NRXN2: variants seen among roughly 807,000 people sequenced by gnomAD.
NRXN2 encodes the protein neurexin 2, also known as neurexin-2-beta.
NRXN2 carries 29 observed loss-of-function variants against 128.8 expected under a neutral mutation model. That is an observed-to-expected ratio of 0.23 (90% CI 0.17 to 0.31). The LOEUF (loss-of-function observed/expected upper bound fraction) is 0.31, where lower values mean the gene tolerates loss of function less well. Ranked by LOEUF, NRXN2 falls within the 10% of genes least tolerant of loss-of-function variation. The probability of loss-of-function intolerance (pLI) is 1.00; values close to 1 mark genes in which losing one functional copy is unlikely to be tolerated. For missense variants in NRXN2, 1,881 were observed against 2,452.6 expected (o/e 0.77, Z 4.92); for synonymous variants, 1,098 against 1,075.2 (o/e 1.02, Z -0.41).
intron 5 of NRXN2, among the ~76,000 whole-genome samples, chr11:64,689,970 GC>G (rs1185288760): frequency 6.6e-6 from 1 of 152,192 alleles, no homozygotes; most frequent in African/African-American, 2.4e-5. Flanking sequence ...AGGAGCTAGA[GC>G]CCCCAAGCAG....
intron 20 of NRXN2, among the ~76,000 whole-genome samples, chr11:64,625,549 G>T (rs2042959322): frequency 6.6e-6 from 1 of 152,144 alleles, no homozygotes; most frequent in Non-Finnish European, 1.5e-5. Context: ...GTTGGGGAAG[G>T]CCCCAGTGGA....
intron 1 of NRXN2, among the ~76,000 whole-genome samples, chr11:64,715,786 C>G (rs968298000): frequency 2.0e-5 from 3 of 152,210 alleles, no homozygotes; most frequent in Non-Finnish European, 4.4e-5. Flanking sequence ...AAGCAACCCC[C>G]ACTCCTTACA....
chr11:64,681,888 G>A (rs2052345634), intron 6 of NRXN2, among the ~76,000 whole-genome samples: 1 of 152,200 alleles, frequency 6.6e-6, no homozygotes, highest in South Asian at 2.1e-4. Flanking sequence ...AGAGGCCTGG[G>A]CAGGAAGGAG....
At position 64,662,848 on chromosome 11, in the gene NRXN2, C is replaced by T. The variant is rs75468716; in HGVS notation, c.1799-1709G>A. On this transcript the variant is annotated intron_variant, in intron 9 of 22. Coordinates refer to ENST00000265459, the MANE Select transcript of NRXN2 (RefSeq NM_015080.4). The stretch of plus-strand genomic sequence containing the variant: ...GAGTTGAGTTCAATCTCTCTCCTCA[C>T]GCAAGACCCCATTGCAGACATCCTA... Among the ~76,000 whole-genome samples, 1,070 of 151,994 alleles carry T rather than the reference C, an allele frequency of 7.0e-3. 8 individuals are homozygous for T. Among genetic ancestry groups the T allele is most frequent in the African/African-American group, 0.024 (978 of 41,452 alleles).
At chr11:64,641,568 T>C (rs1412900040) in intron 17 of NRXN2, among the ~76,000 whole-genome samples, 1 of 151,062 alleles carries the variant, frequency 6.6e-6, no homozygotes, top group Non-Finnish European at 1.5e-5. Flanking sequence ...AGGTGACAGG[T>C]ACAGGGGTGA....
chr11:64,629,844 C>A (rs1206402724), intron 19 of NRXN2, among the ~76,000 whole-genome samples: 1 of 152,188 alleles, frequency 6.6e-6, no homozygotes, highest in Non-Finnish European at 1.5e-5. Flanking sequence ...CACTGGGGGT[C>A]CTTTTCTCTG....
At chr11:64,696,187 G>A (rs1417148576) in intron 3 of NRXN2, among the ~76,000 whole-genome samples, 3 of 151,710 alleles carry the variant, frequency 2.0e-5, no homozygotes, top group African/African-American at 7.3e-5. Context: ...GCAAGTAAAA[G>A]TCACATCAAC....
intron 17 of NRXN2, among the ~76,000 whole-genome samples, chr11:64,641,835 G>T (rs1048655686): frequency 1.3e-5 from 2 of 152,038 alleles, no homozygotes; most frequent in Non-Finnish European, 2.9e-5. Context: ...GTCAGAGGTA[G>T]AGACAGAGCA....
intron 9 of NRXN2, among the ~76,000 whole-genome samples, chr11:64,665,669 G>C (rs2049745710): frequency 6.6e-6 from 1 of 152,164 alleles, no homozygotes; most frequent in Non-Finnish European, 1.5e-5. Flanking sequence ...AGCCACAGGG[G>C]CCCCTCCTTC....
At position 64,685,933 on chromosome 11, in the gene NRXN2, C is replaced by T. The variant is rs1436733964; in HGVS notation, c.865G>A (p.Val289Met). ...AACTCATTGCCTTTGAAGGTCGCCA[C>T]AAACTCCTCCTTGCCTGGATGCCGT... ...HQPTKGKEEFVATFKGNEFFC... is the reference protein window; with the variant it reads ...HQPTKGKEEFMATFKGNEFFC... The change falls in exon 6 of 23, where the codon GTG becomes ATG. Residue 289 changes from valine to methionine, a missense_variant. This residue lies in a region of NRXN2 where 997 missense variants were observed against 1,240.8 expected (regional missense o/e 0.80). Transcript: ENST00000265459. The T allele has an allele frequency of 1.9e-6, 3 of 1,614,040 alleles. No homozygotes were observed. Among genetic ancestry groups the T allele is most frequent in the Non-Finnish European group, 8.5e-7 (1 of 1,180,050 alleles).
Position 64,606,841 on chromosome 11 carries a change from G to A in NRXN2, c.*355C>T, listed in dbSNP as rs1009199787. On this transcript the variant is annotated 3_prime_UTR_variant, in exon 23 of 23. Coordinates refer to ENST00000265459, the MANE Select transcript of NRXN2 (RefSeq NM_015080.4). ...AAAAATTGAGGAAAATTAACAGGAC[G>A]AGCAGTGGACACTTTACAAAACCCC... The A allele has an allele frequency of 3.8e-5, 10 of 261,482 alleles. No homozygotes were observed. The highest frequency in any genetic ancestry group is 1.5e-4 in the African/African-American group (7 of 45,784). 16.2% of individuals were successfully genotyped at this position (261,482 alleles called of 1,614,324 possible).
chr11:64,659,467 T>C (rs1054277053), intron 11 of NRXN2: 4 of 152,012 alleles, frequency 2.6e-5, no homozygotes, highest in African/African-American at 9.7e-5. Flanking sequence ...GACCACCAGG[T>C]GAAGTGGAGT....
rs2048879776 is a variant in NRXN2, at chr11:64,660,558, AGGGAAGGAGAAGACAGGCAGAGGCCAG to A, written c.2186-50_2186-24del. 6.2e-7 allele frequency: 1 copy of A among 1,612,708 alleles called. No homozygotes were observed. The highest frequency in any genetic ancestry group is 8.5e-7 in the Non-Finnish European group (1 of 1,179,192). The stretch of plus-strand genomic sequence containing the variant: ...CCTCTGCCCACAGGAGTTGGGGAAG[AGGGAAGGAGAAGACAGGCAGAGGCCAG>A]GGGAGGGAGAAGACCAGAGAATCAT... On this transcript the variant is annotated intron_variant, in intron 10 of 22. Transcript: ENST00000265459. This position sits in a 1 kb window ranked among gnomAD's most constrained non-coding sequence, Gnocchi z 5.2.
At chr11:64,649,715 G>C (rs998484496) in intron 15 of NRXN2, among the ~76,000 whole-genome samples, 1 of 152,212 alleles carries the variant, frequency 6.6e-6, no homozygotes, top group Non-Finnish European at 1.5e-5. Flanking sequence ...AGCTCTGACA[G>C]TATGAGGCAG....
intron 2 of NRXN2, among the ~76,000 whole-genome samples, chr11:64,707,187 T>C (rs1329464928): frequency 2.6e-5 from 4 of 151,816 alleles, no homozygotes; most frequent in South Asian, 2.1e-4. Context: ...GGTCAGGAGA[T>C]CGAGACCATC....
rs144195230 is a variant in NRXN2 at position 64,718,599 on chromosome 11, C to T, written c.-245+4372G>A. ...CTGCCTCGGGGGGTGGTGAGTTCCCCGTCTGTGGGGGTGTTCGAGGTGAGA... is the reference window on the plus strand; with the variant it reads ...CTGCCTCGGGGGGTGGTGAGTTCCCTGTCTGTGGGGGTGTTCGAGGTGAGA... On this transcript the variant is annotated intron_variant, in intron 1 of 22. Coordinates refer to ENST00000265459, the MANE Select transcript of NRXN2 (RefSeq NM_015080.4). Among the ~76,000 whole-genome samples the T allele has an allele frequency of 6.4e-3, 973 of 152,184 alleles. 34 individuals carry two copies. Among genetic ancestry groups the T allele is most frequent in the Admixed American group, 0.055 (836 of 15,274 alleles).
chr11:64,642,904 C>T (rs2045957952), intron 17 of NRXN2: 4 of 1,029,284 alleles, frequency 3.9e-6, no homozygotes, highest in African/African-American at 1.7e-5. Flanking sequence ...GCTCCGGGAG[C>T]GGGGTAGGGA....
rs539689634 is a variant in NRXN2, at chr11:64,648,121, C to G, written c.3403+98G>C. The G allele has an allele frequency of 2.6e-6, 4 of 1,546,288 alleles. No individual in the cohort carries two copies. In the African/African-American group the frequency reaches 4.1e-5, roughly 16 times the overall value. On this transcript the variant is annotated intron_variant, in intron 17 of 22. Coordinates refer to ENST00000265459, the MANE Select transcript of NRXN2 (RefSeq NM_015080.4). This position sits in a 1 kb window ranked among gnomAD's most constrained non-coding sequence, Gnocchi z 4.1. ...TGAGAAGGAAGAAGCAGCACAGCTC[C>G]TGAATGCTCAGAGGCCCTGTTTCCT... is the stretch of plus-strand genomic sequence containing the variant.
At position 64,607,014 on chromosome 11, in the gene NRXN2, A is replaced by G. The variant is rs528383189; in HGVS notation, c.*182T>C. On this transcript the variant is annotated 3_prime_UTR_variant, in exon 23 of 23. Transcript: ENST00000265459. ...CGGGACTGACGAGGCCGCGCAGTGG[A>G]CGGCAGGAGGAAGGGGGCGAGCACG... The G allele has an allele frequency of 1.2e-4, 77 of 655,020 alleles. No homozygotes were observed. In the African/African-American group the frequency reaches 1.3e-3, roughly 11 times the overall value. The allele number at this position is 655,020 out of a possible 1,614,324, so 40.6% of individuals were successfully genotyped here.
Sources: allele counts gnomAD v4.1 joint callset (sites outside exome capture counted in the v4.1 genomes callset), GRCh38; gene constraint gnomAD v4.1.1; regional missense constraint gnomAD v4.1.1; non-coding constraint Gnocchi (gnomAD v3.1); transcripts MANE v1.5; gene names NCBI Gene and HGNC (gene_info 2026-07-23, HGNC 2026-07-21).